Variants in NEGR1 observed in about 807,000 individuals in gnomAD.
NEGR1 encodes the protein IgLON family member 4.
Under a neutral mutation model 40.9 loss-of-function variants are expected in NEGR1, and 10 were observed. The observed-to-expected ratio is 0.24, with a 90% CI of 0.15 to 0.42. The LOEUF (loss-of-function observed/expected upper bound fraction) is 0.42, where lower values mean the gene tolerates loss of function less well. Ranked by LOEUF, NEGR1 falls within the 10% of genes least tolerant of loss-of-function variation. The probability of loss-of-function intolerance (pLI) is 1.00; values close to 1 mark genes in which losing one functional copy is unlikely to be tolerated. For missense variants in NEGR1, 352 were observed against 438.9 expected (o/e 0.80, Z 1.77); for synonymous variants, 185 against 166.8 (o/e 1.11, Z -0.84).
At chr1:71,844,287 C>T (rs1659332601) in intron 2 of NEGR1, among the ~76,000 whole-genome samples, 1 of 152,110 alleles carries the variant, frequency 6.6e-6, no homozygotes, top group African/African-American at 2.4e-5. Flanking sequence ...TGAAGTGGGC[C>T]TTCCTTTGTA....
chr1:71,877,184 A>G (rs1008899589), intron 2 of NEGR1, among the ~76,000 whole-genome samples: 8 of 152,080 alleles, frequency 5.3e-5, no homozygotes, highest in African/African-American at 1.9e-4. Flanking sequence ...GTCTGAGAGT[A>G]AGGCAGGCAG....
intron 2 of NEGR1, among the ~76,000 whole-genome samples, chr1:71,928,289 T>TGTATATAC (rs1645810112): frequency 7.1e-6 from 1 of 140,130 alleles, no homozygotes; most frequent in Non-Finnish European, 1.5e-5. Flanking sequence ...TACACACATA[T>TGTATATAC]GTATATATGT....
chr1:72,131,602 T>C (rs985203834), intron 1 of NEGR1, among the ~76,000 whole-genome samples: 5 of 152,172 alleles, frequency 3.3e-5, no homozygotes, highest in African/African-American at 1.2e-4. Context: ...CAAGATAATT[T>C]TCAGTAGTCT....
At chr1:71,733,121 A>C (rs1003361610) in intron 3 of NEGR1, among the ~76,000 whole-genome samples, 1 of 151,980 alleles carries the variant, frequency 6.6e-6, no homozygotes, top group Admixed American at 6.6e-5. Flanking sequence ...ATTATTCCAA[A>C]GAAAGCACTC....
rs1309601223 is a variant in NEGR1, at chr1:71,407,582, T to A, written c.941-12A>T. On this transcript the variant is annotated splice_polypyrimidine_tract_variant and intron_variant, in intron 6 of 6. Coordinates refer to ENST00000357731, the MANE Select transcript of NEGR1 (RefSeq NM_173808.3). Reference sequence around the variant, plus strand: ...GGCTGTACTTGGAGCTGGAAAGAAATGGAAAAGATTAAATCAAAATCTAAT... The same window carrying A: ...GGCTGTACTTGGAGCTGGAAAGAAAAGGAAAAGATTAAATCAAAATCTAAT... 6.2e-7 allele frequency: 1 copy of A among 1,610,124 alleles called. No homozygotes were observed. Among genetic ancestry groups the A allele is most frequent in the Non-Finnish European group, 8.5e-7 (1 of 1,177,732 alleles).
At chr1:71,842,924 T>A (rs1221183616) in intron 2 of NEGR1, among the ~76,000 whole-genome samples, 1 of 152,172 alleles carries the variant, frequency 6.6e-6, no homozygotes, top group East Asian at 1.9e-4. Context: ...GACCCTATTA[T>A]CATTGGGGAG....
intron 4 of NEGR1, among the ~76,000 whole-genome samples, chr1:71,677,957 T>G (rs777454636): frequency 3.3e-5 from 5 of 152,164 alleles, no homozygotes; most frequent in Non-Finnish European, 7.3e-5. Context: ...ATAACTTATC[T>G]ATTTTAAGTC....
chr1:72,163,764 A>T (rs2821297), intron 1 of NEGR1, among the ~76,000 whole-genome samples: 11,473 of 143,926 alleles, frequency 0.08, 1,539 homozygotes, highest in Non-Finnish European at 0.1. Flanking sequence ...ATAGATAGAT[A>T]TAGATTTAGA....
At chr1:71,934,184 C>T (rs771880820) in intron 2 of NEGR1, among the ~76,000 whole-genome samples, 1 of 152,038 alleles carries the variant, frequency 6.6e-6, no homozygotes, top group Non-Finnish European at 1.5e-5. Flanking sequence ...ACAACCAACA[C>T]ACGATTAATT....
chr1:71,598,400 A>C (rs903230395), intron 5 of NEGR1, among the ~76,000 whole-genome samples: 1 of 152,168 alleles, frequency 6.6e-6, no homozygotes, highest in Non-Finnish European at 1.5e-5. Flanking sequence ...AAAAAATGAT[A>C]CTATCTGGAT....
chr1:71,462,982 A>G (rs958449851), intron 6 of NEGR1, among the ~76,000 whole-genome samples: 1 of 152,102 alleles, frequency 6.6e-6, no homozygotes, highest in Admixed American at 6.6e-5. Flanking sequence ...GAACCTGGGT[A>G]TTTCTTTTGT....
chr1:72,078,554 A>C (rs1569926428), intron 1 of NEGR1, among the ~76,000 whole-genome samples: 2 of 151,558 alleles, frequency 1.3e-5, no homozygotes, highest in African/African-American at 4.8e-5. Context: ...ACATGTAAAA[A>C]TTCAGCAACT....
At chr1:71,702,042 C>A (rs1392597743) in intron 3 of NEGR1, among the ~76,000 whole-genome samples, 6 of 151,976 alleles carry the variant, frequency 3.9e-5, no homozygotes. Flanking sequence ...ATTATTCTAA[C>A]AGGTTTCAAA....
At chr1:71,917,485 A>G (rs1661616828) in intron 2 of NEGR1, among the ~76,000 whole-genome samples, 1 of 152,186 alleles carries the variant, frequency 6.6e-6, no homozygotes, top group South Asian at 2.1e-4. Context: ...TTTTTTAACT[A>G]CATGCAAATG....
chr1:71,622,788 A>G (rs1034684446), intron 4 of NEGR1, among the ~76,000 whole-genome samples: 3 of 151,826 alleles, frequency 2.0e-5, no homozygotes, highest in Non-Finnish European at 4.4e-5. Flanking sequence ...ATCTTCCCTT[A>G]GGCCAGTTCC....
chr1:71,560,052 C>A (rs1363201779), intron 6 of NEGR1, among the ~76,000 whole-genome samples: 2 of 151,054 alleles, frequency 1.3e-5, no homozygotes, highest in African/African-American at 4.9e-5. Flanking sequence ...GTCAACTACA[C>A]AGATATTTTA....
intron 6 of NEGR1, among the ~76,000 whole-genome samples, chr1:71,453,034 G>A (rs1282302526): frequency 6.6e-6 from 1 of 152,086 alleles, no homozygotes; most frequent in Admixed American, 6.5e-5. Flanking sequence ...GTATTTATGA[G>A]GCAAATTACT....
rs1169738391 is a variant in NEGR1 at position 71,656,405 on chromosome 1, G to GTTT, written c.667+41600_667+41602dup. Among the ~76,000 whole-genome samples the GTTT allele has an allele frequency of 6.1e-4, 92 of 151,682 alleles. 1 individual carries two copies. The highest frequency in any genetic ancestry group is 4.6e-4 in the Admixed American group (7 of 15,230). On this transcript the variant is annotated intron_variant, in intron 4 of 6. Coordinates refer to ENST00000357731, the MANE Select transcript of NEGR1 (RefSeq NM_173808.3). ...CTTTTTACATTGTTTGTTTGTTTTT[G>GTTT]TTTTTTGTTGTTGTTGTTGTTGTTT...
At chr1:72,115,094 G>A (rs911317367) in intron 1 of NEGR1, among the ~76,000 whole-genome samples, 29 of 151,710 alleles carry the variant, frequency 1.9e-4, no homozygotes, top group Admixed American at 1.5e-3. Context: ...GTTTTGCTCT[G>A]TTAAACTTCC....
Sources: allele counts gnomAD v4.1 joint callset (sites outside exome capture counted in the v4.1 genomes callset), GRCh38; gene constraint gnomAD v4.1.1; transcripts MANE v1.5; gene names NCBI Gene and HGNC (gene_info 2026-07-23, HGNC 2026-07-21).